Variants in MAP3K13 observed in about 807,000 individuals in gnomAD.
MAP3K13 encodes mitogen-activated protein kinase kinase kinase 13, also known as leucine zipper-bearing kinase.
Under a neutral mutation model 104.0 loss-of-function variants are expected in MAP3K13, and 52 were observed. That is an observed-to-expected ratio of 0.50 (90% confidence interval 0.40 to 0.63). MAP3K13 has a LOEUF of 0.63. Among genes scored for constraint, MAP3K13 ranks in the 20% least tolerant of loss-of-function variants. The pLI, the probability that MAP3K13 is intolerant of heterozygous loss-of-function variation, is 0.00. For synonymous variants in MAP3K13, 394 were observed against 442.2 expected (o/e 0.89, Z 1.37); for missense variants, 914 against 1,218.5 (o/e 0.75, Z 3.72).
At chr3:185,471,393 A>G (rs922073847) in intron 10 of MAP3K13, among the ~76,000 whole-genome samples, 1 of 125,364 alleles carries the variant, frequency 8.0e-6, no homozygotes, top group African/African-American at 3.2e-5. Context: ...CAATCCTCCT[A>G]TCTTGGCCCC....
At chr3:185,390,063 G>C (rs1312848754) in intron 1 of MAP3K13, among the ~76,000 whole-genome samples, 7 of 152,114 alleles carry the variant, frequency 4.6e-5, no homozygotes, top group Non-Finnish European at 2.9e-5. Context: ...CTGTCTACTT[G>C]TGAGAGAATG....
intron 2 of MAP3K13, among the ~76,000 whole-genome samples, chr3:185,356,160 A>G (rs1400611517): frequency 6.9e-6 from 1 of 144,148 alleles, no homozygotes; most frequent in East Asian, 1.9e-4. Flanking sequence ...TAATAATAAT[A>G]AAGTGTAAAC....
intron 1 of MAP3K13, among the ~76,000 whole-genome samples, chr3:185,399,820 T>G (rs1233703865): frequency 6.6e-6 from 1 of 152,036 alleles, no homozygotes; most frequent in African/African-American, 2.4e-5. Flanking sequence ...GGATAAACCC[T>G]GGCTCGTTAC....
At chr3:185,424,821 T>C (rs1466830095) in intron 1 of MAP3K13, among the ~76,000 whole-genome samples, 1 of 152,090 alleles carries the variant, frequency 6.6e-6, no homozygotes, top group African/African-American at 2.4e-5. Flanking sequence ...CAATTCTCAG[T>C]ATATATTCTT....
intron 3 of MAP3K13, among the ~76,000 whole-genome samples, chr3:185,441,977 G>T (rs928845233): frequency 6.6e-6 from 1 of 151,286 alleles, no homozygotes; most frequent in Non-Finnish European, 1.5e-5. Context: ...GGAGGTGGAG[G>T]TTGTGGTGAG....
At chr3:185,361,044 C>T (rs1723589417), upstream of MAP3K13, among the ~76,000 whole-genome samples, 1 of 151,516 alleles carries the variant, frequency 6.6e-6, no homozygotes, top group Non-Finnish European at 1.5e-5. Context: ...CCAGGCTTGT[C>T]TCAAACTCCT....
Position 185,473,171 on chromosome 3 carries a change from A to T in MAP3K13, c.1840A>T (p.Asn614Tyr), listed in dbSNP as rs901320744. The T allele has an allele frequency of 6.6e-5, 107 of 1,613,984 alleles. No individual in the cohort carries two copies. The highest frequency in any genetic ancestry group is 9.0e-5 in the Non-Finnish European group (106 of 1,180,020). Residue 614 changes from asparagine to tyrosine, a missense_variant, in exon 11 of 14, where the codon AAT becomes TAT. Around this residue, in one of 3 missense-constraint regions of MAP3K13, gnomAD observed 583 missense variants for 737.4 expected, o/e 0.79. Transcript: ENST00000265026. This position sits in a 1 kb window ranked among gnomAD's most constrained non-coding sequence, Gnocchi z 4.9. ...AILKNQPAQE[N>Y]SPHPTYLHQA... ...CTTGAAAAACCAGCCAGCCCAGGAA[A>T]ATTCACCCCATCCCACTTACCTGCA...
At chr3:185,457,160 C>T (rs1437664293) in intron 7 of MAP3K13, among the ~76,000 whole-genome samples, 8 of 129,322 alleles carry the variant, frequency 6.2e-5, no homozygotes, top group Non-Finnish European at 1.2e-4. Context: ...ACCTGAACCG[C>T]TCCCAGATTA....
At chr3:185,464,606 C>T (rs1717303488) in intron 8 of MAP3K13, among the ~76,000 whole-genome samples, 1 of 152,184 alleles carries the variant, frequency 6.6e-6, no homozygotes, top group Admixed American at 6.5e-5. Flanking sequence ...GAGGCCTTCC[C>T]AGCCATGCAA....
chr3:185,454,727 TATATATG>T lies in MAP3K13; in HGVS notation c.1278+3339_1278+3345del, dbSNP rs1330609596. Reference sequence around the variant, plus strand: ...TATATCATATATGAGATATATATGATATATATGATATATATATCATATATATGAGATA... The same window carrying T: ...TATATCATATATGAGATATATATGATATATATATATCATATATATGAGATA... On this transcript the variant is annotated intron_variant, in intron 7 of 13. Transcript: ENST00000265026. 5.6e-5 allele frequency among the ~76,000 whole-genome samples: 2 copies of T among 35,582 alleles called. 1 individual carries two copies. Among genetic ancestry groups the T allele is most frequent in the South Asian group, 2.0e-3 (2 of 1,010 alleles). 23.3% of individuals were successfully genotyped at this position (35,582 alleles called of 152,430 possible).
chr3:185,404,596 A>G (rs1713002771), intron 1 of MAP3K13, among the ~76,000 whole-genome samples: 1 of 152,174 alleles, frequency 6.6e-6, no homozygotes, highest in African/African-American at 2.4e-5. Context: ...AATTTTTTCA[A>G]GATAGAATCT....
intron 1 of MAP3K13, among the ~76,000 whole-genome samples, chr3:185,398,464 A>G (rs192807818): frequency 6.6e-6 from 1 of 152,332 alleles, no homozygotes; most frequent in Non-Finnish European, 1.5e-5. Flanking sequence ...GTGCCTCTAT[A>G]GCACAGTCTC....
At chr3:185,455,270 TA>T (rs1716438932) in intron 7 of MAP3K13, among the ~76,000 whole-genome samples, 2 of 34,272 alleles carry the variant, frequency 5.8e-5, no homozygotes, top group Non-Finnish European at 1.5e-4. Flanking sequence ...ATATGAGATA[TA>T]TATGAGATAT....
At chr3:185,432,428 T>C (rs556726853) in intron 2 of MAP3K13, among the ~76,000 whole-genome samples, 1 of 152,152 alleles carries the variant, frequency 6.6e-6, no homozygotes, top group Admixed American at 6.5e-5. Context: ...TGACCTCAGG[T>C]GATCTACCTG....
chr3:185,466,796 T>A lies in MAP3K13; in HGVS notation c.1506-30T>A. 1.9e-6 allele frequency: 3 copies of A among 1,613,592 alleles called. 1 individual carries two copies. In the South Asian group the frequency reaches 3.3e-5, roughly 18 times the overall value. ...GCCTATCCTTTCTGTCTGCAATGACTGAGGTGTGGCTTTTGCCTTTATTCT... is the reference window on the plus strand; with the variant it reads ...GCCTATCCTTTCTGTCTGCAATGACAGAGGTGTGGCTTTTGCCTTTATTCT... On this transcript the variant is annotated intron_variant, in intron 9 of 13. Transcript: ENST00000265026.
chr3:185,436,505 A>T (rs1293386805), intron 2 of MAP3K13, among the ~76,000 whole-genome samples: 1 of 152,162 alleles, frequency 6.6e-6, no homozygotes, highest in Admixed American at 6.5e-5. Context: ...ATTTTAGGAG[A>T]ATTTACTTAA....
rs578227668 is a variant in MAP3K13, at chr3:185,344,394, T to C, written c.-86+58751T>C. Among the ~76,000 whole-genome samples the C allele has an allele frequency of 3.3e-5, 5 of 152,302 alleles. No homozygotes were observed. In the East Asian group the frequency reaches 9.7e-4, roughly 29 times the overall value. ...TGATGATCTGTGACAAAAGAATCTG[T>C]TACATAATAGGTGCTCAGTTAATTA... On this transcript the variant is annotated intron_variant, in intron 2 of 14. Transcript: ENST00000424227.
At chr3:185,352,450 GA>G (rs564359619) in intron 2 of MAP3K13, among the ~76,000 whole-genome samples, 18 of 142,964 alleles carry the variant, frequency 1.3e-4, no homozygotes, top group South Asian at 2.2e-4. Context: ...GTCTAAAAAA[GA>G]AAAAAAAAAG....
rs1383175462 is a variant in MAP3K13 at position 185,485,649 on chromosome 3, AT to A, written c.*3195del. The A allele has an allele frequency of 1.3e-5, 2 of 151,952 alleles. No homozygotes were observed. The highest frequency in any genetic ancestry group is 2.9e-5 in the Non-Finnish European group (2 of 67,976). 9.4% of individuals were successfully genotyped at this position (151,952 alleles called of 1,614,324 possible). A position where few individuals can be genotyped will look rare whatever the true frequency, so the allele number is the denominator to read the frequency against. ...GCTTGTGTTCAAGTACCCCTATTTA[AT>A]TAATAATAGCCCCAAAGGGCAAGAG... On this transcript the variant is annotated 3_prime_UTR_variant, in exon 14 of 14. Transcript: ENST00000265026.
Sources: gnomAD v4.1 joint callset for allele counts (sites outside exome capture counted in the v4.1 genomes callset) on GRCh38, gnomAD v4.1.1 for gene constraint, gnomAD v4.1.1 regional missense constraint, Gnocchi (gnomAD v3.1) non-coding constraint, MANE v1.5 for transcripts, NCBI Gene and HGNC (gene_info 2026-07-23, HGNC 2026-07-21) for gene names.